Variants in DAP observed in about 807,000 individuals in gnomAD.
DAP encodes the protein death associated protein.
In DAP, 8 loss-of-function variants were observed where a neutral mutation model predicts 13.8. That is an observed-to-expected ratio of 0.58 (90% CI 0.34 to 1.05). DAP has a LOEUF of 1.05. DAP is among the 50% of genes least tolerant of loss of function. DAP has a pLI of 0.03. For synonymous variants in DAP, 47 were observed against 47.5 expected (o/e 0.99, Z 0.04); for missense variants, 106 against 133.2 (o/e 0.80, Z 1.01).
intron 2 of DAP, among the ~76,000 whole-genome samples, chr5:10,731,993 C>G (rs1739475974): frequency 6.6e-6 from 1 of 152,208 alleles, no homozygotes; most frequent in Admixed American, 6.5e-5. Flanking sequence ...CTGCCTGGGC[C>G]TGCAGCCTGG....
intron 2 of DAP, among the ~76,000 whole-genome samples, chr5:10,701,790 G>A (rs1738584679): frequency 6.6e-6 from 1 of 152,130 alleles, no homozygotes; most frequent in South Asian, 2.1e-4. Context: ...TACTAGCAGT[G>A]CTTTCTTTCA....
rs551887249 is a variant in DAP at position 10,731,708 on chromosome 5, T to A, written c.152+16467A>T. The stretch of plus-strand genomic sequence containing the variant: ...AATGTCTGACTTAGGGATAGGCAGG[T>A]CACCTGATTCTGGCCAATGAGTTTG... On this transcript the variant is annotated intron_variant, in intron 2 of 3. Transcript: ENST00000230895. Among the ~76,000 whole-genome samples, 15 of 152,286 alleles carry A rather than the reference T, an allele frequency of 9.8e-5. No homozygotes were observed. In the South Asian group the frequency reaches 3.1e-3, roughly 32 times the overall value.
chr5:10,700,048 G>C (rs536332236), intron 2 of DAP, among the ~76,000 whole-genome samples: 1 of 152,252 alleles, frequency 6.6e-6, no homozygotes, highest in African/African-American at 2.4e-5. Context: ...ACAACCTCGA[G>C]CATGAAGAGG....
intron 2 of DAP, among the ~76,000 whole-genome samples, chr5:10,702,831 G>A (rs1287718796): frequency 6.6e-6 from 1 of 152,168 alleles, no homozygotes; most frequent in African/African-American, 2.4e-5. Flanking sequence ...ATCAAAGGTA[G>A]CTCATCTTGT....
Position 10,707,683 on chromosome 5 carries a change from G to A in DAP, c.153-24112C>T, listed in dbSNP as rs1287637000. On this transcript the variant is annotated intron_variant, in intron 2 of 3. Coordinates refer to ENST00000230895, the MANE Select transcript of DAP (RefSeq NM_004394.3). This position sits in a 1 kb window ranked among gnomAD's most constrained non-coding sequence, Gnocchi z 4.0. Reference sequence around the variant, plus strand: ...GATTTGCGATCAGTGTGGTGCACAGGCGGCGTGATGTACAGGTGGTGTGAT... The same window carrying A: ...GATTTGCGATCAGTGTGGTGCACAGACGGCGTGATGTACAGGTGGTGTGAT... Among the ~76,000 whole-genome samples the A allele has an allele frequency of 1.3e-5, 2 of 152,192 alleles. No individual in the cohort carries two copies. Among genetic ancestry groups the A allele is most frequent in the African/African-American group, 2.4e-5 (1 of 41,422 alleles).
rs571218722 is a variant in DAP at position 10,689,237 on chromosome 5, G to A, written c.153-5666C>T. Reference sequence around the variant, plus strand: ...AACCAGCCTCTGACTCCCAGGGCACGCTCTTTCCTTTCCTAAACCCACATT... The same window carrying A: ...AACCAGCCTCTGACTCCCAGGGCACACTCTTTCCTTTCCTAAACCCACATT... On this transcript the variant is annotated intron_variant, in intron 2 of 3. Transcript: ENST00000230895. 8.5e-5 allele frequency among the ~76,000 whole-genome samples: 13 copies of A among 152,204 alleles called. No homozygotes were observed. The South Asian group carries it at 2.5e-3, about 29-fold the overall frequency.
intron 2 of DAP, among the ~76,000 whole-genome samples, chr5:10,704,786 T>G (rs1375412795): frequency 6.6e-6 from 1 of 152,110 alleles, no homozygotes; most frequent in Non-Finnish European, 1.5e-5. Context: ...CAGTCTTTCC[T>G]GCGCAGTGTA....
intron 2 of DAP, among the ~76,000 whole-genome samples, chr5:10,684,072 C>T (rs5745287): frequency 0.077 from 11,671 of 152,330 alleles, 634 homozygotes; most frequent in East Asian, 0.28. Flanking sequence ...CATCCTTCCA[C>T]CTTGGCCTCC....
At chr5:10,728,119 C>A (rs535316278) in intron 2 of DAP, among the ~76,000 whole-genome samples, 2 of 152,198 alleles carry the variant, frequency 1.3e-5, no homozygotes, top group Admixed American at 6.5e-5. Context: ...GATTAACAGG[C>A]AAAGAAAAGA....
intron 2 of DAP, among the ~76,000 whole-genome samples, chr5:10,730,614 G>A (rs1739428410): frequency 1.4e-5 from 2 of 145,054 alleles, no homozygotes; most frequent in African/African-American, 5.2e-5. Context: ...CCCGGGTCGG[G>A]GGGAATCTTT....
chr5:10,701,782 C>A (rs1047298509), intron 2 of DAP, among the ~76,000 whole-genome samples: 1 of 152,194 alleles, frequency 6.6e-6, no homozygotes, highest in Non-Finnish European at 1.5e-5. Flanking sequence ...GGTGTTATTA[C>A]TAGCAGTGCT....
At chr5:10,759,670 G>C (rs267929) in intron 1 of DAP, among the ~76,000 whole-genome samples, 140,480 of 151,516 alleles carry the variant, frequency 0.93, 65,457 homozygotes, top group Non-Finnish European at 0.97. Flanking sequence ...TTTAAAGAAC[G>C]GCTCCTATTC....
intron 2 of DAP, among the ~76,000 whole-genome samples, chr5:10,723,154 T>C (rs1318245947): frequency 6.6e-6 from 1 of 152,060 alleles, no homozygotes; most frequent in Non-Finnish European, 1.5e-5. Flanking sequence ...AGTAAGCAAC[T>C]AAAAAAGAAA....
At chr5:10,694,481 C>G (rs1450944182) in intron 2 of DAP, among the ~76,000 whole-genome samples, 1 of 152,102 alleles carries the variant, frequency 6.6e-6, no homozygotes, top group Non-Finnish European at 1.5e-5. Flanking sequence ...TGCTTCTAGG[C>G]TGCCTGGCGG....
intron 3 of DAP, among the ~76,000 whole-genome samples, chr5:10,682,096 G>A (rs10078407): frequency 0.45 from 61,085 of 135,012 alleles, 13,275 homozygotes; most frequent in Middle Eastern, 0.63. Context: ...TGCAAGAAGC[G>A]TGGGGTTTGT....
rs1323032828 is a variant in DAP, at chr5:10,711,967, C to T, written c.153-28396G>A. Among the ~76,000 whole-genome samples, 3 of 152,280 alleles carry T rather than the reference C, an allele frequency of 2.0e-5. No individual in the cohort carries two copies. The East Asian group carries it at 5.8e-4, about 29-fold the overall frequency. ...AGAGGCTGTTCTGGCTGAATTTCAC[C>T]CCCGTCCTTCCCAGCAACACATTCC... On this transcript the variant is annotated intron_variant, in intron 2 of 3. Coordinates refer to ENST00000230895, the MANE Select transcript of DAP (RefSeq NM_004394.3).
intron 2 of DAP, among the ~76,000 whole-genome samples, chr5:10,726,201 C>G (rs1739284561): frequency 6.6e-6 from 1 of 152,226 alleles, no homozygotes; most frequent in South Asian, 2.1e-4. Flanking sequence ...CTCTGGAGTC[C>G]TTATAAATAT....
chr5:10,720,536 C>T (rs1187653021), intron 2 of DAP, among the ~76,000 whole-genome samples: 1 of 152,192 alleles, frequency 6.6e-6, no homozygotes, highest in Non-Finnish European at 1.5e-5. Context: ...CTGTGGACAC[C>T]ACTCAGCCTC....
Position 10,680,299 on chromosome 5 carries a change from A to G in DAP, c.*757T>C. On this transcript the variant is annotated 3_prime_UTR_variant, in exon 4 of 4. Coordinates refer to ENST00000230895, the MANE Select transcript of DAP (RefSeq NM_004394.3). Reference sequence around the variant, plus strand: ...TTCCAGAACTCTGAAGTGGCTCAGGAGGTGACTCCTGAAAGGCAGCCCTTG... The same window carrying G: ...TTCCAGAACTCTGAAGTGGCTCAGGGGGTGACTCCTGAAAGGCAGCCCTTG... The G allele has an allele frequency of 5.2e-6, 1 of 192,402 alleles. No individual in the cohort carries two copies. The highest frequency in any genetic ancestry group is 2.4e-5 in the African/African-American group (1 of 42,354). The allele number at this position is 192,402 out of a possible 1,614,324, so 11.9% of individuals were successfully genotyped here. A position where few individuals can be genotyped will look rare whatever the true frequency, so the allele number is the denominator to read the frequency against.
Sources: gnomAD v4.1 joint callset for allele counts (sites outside exome capture counted in the v4.1 genomes callset) on GRCh38, gnomAD v4.1.1 for gene constraint, Gnocchi (gnomAD v3.1) non-coding constraint, MANE v1.5 for transcripts, NCBI Gene and HGNC (gene_info 2026-07-23, HGNC 2026-07-21) for gene names.